The following ANXA4 variants were observed in gnomAD, a reference collection of about 807,000 sequenced individuals.
The protein encoded by ANXA4 is 35-beta calcimedin.
A neutral mutation model predicts 49.8 loss-of-function variants in ANXA4; 39 were observed. The observed-to-expected ratio is 0.78, with a 90% CI of 0.61 to 1.02. The LOEUF is 1.02. ANXA4 is among the 50% of genes least tolerant of loss of function. ANXA4 has a pLI of 0.00. For missense variants in ANXA4, 360 were observed against 410.1 expected (o/e 0.88, Z 1.05); for synonymous variants, 134 against 152.5 (o/e 0.88, Z 0.89).
At chr2:69,703,616 T>A (rs762983705) in intron 2 of ANXA4, among the ~76,000 whole-genome samples, 16 of 152,234 alleles carry the variant, frequency 1.1e-4, no homozygotes, top group Non-Finnish European at 1.9e-4. Flanking sequence ...GAAGAGGAGT[T>A]ATACAGCTTG....
upstream of ANXA4, among the ~76,000 whole-genome samples, chr2:69,741,382 TATTACAAGGGATGAGC>T (rs1326251035): frequency 6.6e-6 from 1 of 152,158 alleles, no homozygotes; most frequent in Admixed American, 6.5e-5. Context: ...AACACAGAAC[TATTACAAGGGATGAGC>T]GCCGCGCCAA....
chr2:69,768,790 A>G (rs1671594956), intron 1 of ANXA4, among the ~76,000 whole-genome samples: 1 of 152,222 alleles, frequency 6.6e-6, no homozygotes. Flanking sequence ...ATTAAAAGGC[A>G]GAAGGTCAGG....
intron 2 of ANXA4, among the ~76,000 whole-genome samples, chr2:69,688,736 G>A (rs919218835): frequency 6.6e-6 from 1 of 152,112 alleles, no homozygotes; most frequent in African/African-American, 2.4e-5. Context: ...TTAATCAATT[G>A]CTATTGTTAT....
chr2:69,808,115 C>T (rs1004445676), intron 6 of ANXA4, 119 bp downstream of exon 6: 6 of 912,438 alleles, frequency 6.6e-6, no homozygotes, highest in Admixed American at 4.3e-5. Context: ...GAGGGATCCT[C>T]GGTGCCAAGC....
chr2:69,774,434 G>T (rs1478543395), intron 1 of ANXA4, among the ~76,000 whole-genome samples: 1 of 145,384 alleles, frequency 6.9e-6, no homozygotes, highest in East Asian at 2.1e-4. Flanking sequence ...CGCCTCCCAG[G>T]TTCAAGTGAT....
intron 1 of ANXA4, among the ~76,000 whole-genome samples, chr2:69,769,462 T>C (rs1378101570): frequency 6.6e-6 from 1 of 152,184 alleles, no homozygotes. Context: ...CTTTTCTCAG[T>C]TTTTAACTTG....
At chr2:69,709,294 A>G (rs1267283002) in intron 2 of ANXA4, among the ~76,000 whole-genome samples, 1 of 152,240 alleles carries the variant, frequency 6.6e-6, no homozygotes, top group Non-Finnish European at 1.5e-5. Context: ...AAATACATCT[A>G]TAAAGTTTAC....
chr2:69,688,378 A>G (rs769605845), intron 2 of ANXA4, among the ~76,000 whole-genome samples: 46 of 152,332 alleles, frequency 3.0e-4, no homozygotes, highest in Non-Finnish European at 5.3e-4. Flanking sequence ...TTGCTTTTCA[A>G]TTCAACTAGG....
intron 1 of ANXA4, among the ~76,000 whole-genome samples, chr2:69,777,620 C>T (rs902773214): frequency 6.6e-6 from 1 of 152,204 alleles, no homozygotes; most frequent in African/African-American, 2.4e-5. Flanking sequence ...GCATCTTCAT[C>T]TCATGCCACT....
chr2:69,647,180 T>C (rs1183563954), intron 1 of ANXA4, among the ~76,000 whole-genome samples: 3 of 152,076 alleles, frequency 2.0e-5, no homozygotes, highest in African/African-American at 4.8e-5. Flanking sequence ...TTCCTCCCTC[T>C]AAATACCTGC....
intron 3 of ANXA4, among the ~76,000 whole-genome samples, chr2:69,796,769 C>T (rs940180983): frequency 1.3e-5 from 2 of 152,088 alleles, no homozygotes; most frequent in Admixed American, 6.5e-5. Flanking sequence ...ATTAGGAAAA[C>T]TAGAAGGACT....
At chr2:69,810,912 A>ACTCAATGT (rs1470836741) in intron 7 of ANXA4, 2 of 522,352 alleles carry the variant, frequency 3.8e-6, no homozygotes, top group Admixed American at 6.3e-5. Context: ...TCCCCCTGTC[A>ACTCAATGT]CTCAGTGCAT....
intron 1 of ANXA4, among the ~76,000 whole-genome samples, chr2:69,769,337 A>T (rs557984756): frequency 6.6e-6 from 1 of 152,162 alleles, no homozygotes; most frequent in Admixed American, 6.5e-5. Context: ...TTAAGACAAG[A>T]TAGAACTCAC....
chr2:69,789,807 T>C (rs1558500024), intron 3 of ANXA4, among the ~76,000 whole-genome samples: 1 of 152,148 alleles, frequency 6.6e-6, no homozygotes, highest in Admixed American at 6.5e-5. Context: ...TGGACTCTTA[T>C]TCTGTGTTTC....
chr2:69,707,794 C>T (rs1678545316), intron 2 of ANXA4, among the ~76,000 whole-genome samples: 1 of 152,168 alleles, frequency 6.6e-6, no homozygotes, highest in African/African-American at 2.4e-5. Flanking sequence ...TGACTATAAT[C>T]ACTCTGTCAT....
At chr2:69,753,205 T>C (rs73935692) in intron 1 of ANXA4, among the ~76,000 whole-genome samples, 1,872 of 152,252 alleles carry the variant, frequency 0.012, 40 homozygotes, top group African/African-American at 0.042. Context: ...TAGTATATGA[T>C]AGGGGCAAAA....
chr2:69,670,768 A>G (rs1463304387), intron 2 of ANXA4, among the ~76,000 whole-genome samples: 1 of 152,110 alleles, frequency 6.6e-6, no homozygotes, highest in Non-Finnish European at 1.5e-5. Flanking sequence ...TCACACCTGT[A>G]ATCCCAGCAC....
At chr2:69,674,921 T>G (rs917574276) in intron 2 of ANXA4, among the ~76,000 whole-genome samples, 2 of 151,558 alleles carry the variant, frequency 1.3e-5, no homozygotes, top group Non-Finnish European at 2.9e-5. Context: ...AACTGTTTTT[T>G]TTTTTTTTTT....
chr2:69,650,283 G>A (rs1475466160), intron 1 of ANXA4, among the ~76,000 whole-genome samples: 5 of 152,012 alleles, frequency 3.3e-5, no homozygotes, highest in Admixed American at 2.0e-4. Context: ...GAATAATTAG[G>A]TCAAAAGGTA....
Sources: gnomAD v4.1 joint callset for allele counts (sites outside exome capture counted in the v4.1 genomes callset) on GRCh38, gnomAD v4.1.1 for gene constraint, MANE v1.5 for transcripts, NCBI Gene and HGNC (gene_info 2026-07-23, HGNC 2026-07-21) for gene names.